HRH1: variants seen among roughly 807,000 people sequenced by gnomAD.
HRH1 encodes the protein histamine H1 receptor.
HRH1 carries 6 observed loss-of-function variants against 10.3 expected under a neutral mutation model. The observed-to-expected ratio is 0.58, with a 90% confidence interval of 0.32 to 1.15. The LOEUF (loss-of-function observed/expected upper bound fraction) is 1.15, where lower values mean the gene tolerates loss of function less well. Among genes scored for constraint, HRH1 ranks in the 50% most tolerant of loss-of-function variants. The pLI is 0.05. For synonymous variants in HRH1, 242 were observed against 236.7 expected, an observed-to-expected ratio of 1.02 and a Z score of -0.21; for missense variants, 514 against 615.3, an observed-to-expected ratio of 0.84 and a Z score of 1.74.
At chr3:11,234,613 G>T (rs574835407) in intron 1 of HRH1, 528 of 1,434,316 alleles carry the variant, frequency 3.7e-4, no homozygotes, top group Non-Finnish European at 4.6e-4. Flanking sequence ...TGCATTGCTT[G>T]GAGTTTCATG....
At chr3:11,238,646 T>C (rs1939252783) in intron 1 of HRH1, among the ~76,000 whole-genome samples, 1 of 152,236 alleles carries the variant, frequency 6.6e-6, no homozygotes, top group African/African-American at 2.4e-5. Context: ...ATCATCAGAA[T>C]CCAAGTTTAG....
intron 1 of HRH1, among the ~76,000 whole-genome samples, chr3:11,157,438 G>A (rs1466297576): frequency 1.3e-5 from 2 of 152,216 alleles, no homozygotes; most frequent in African/African-American, 4.8e-5. Flanking sequence ...GATCATTCAA[G>A]CCCCAGTCAC....
At position 11,242,509 on chromosome 3, in the gene HRH1, A is replaced by AAAAAAAAAAAAAAAAAAAAT. The variant is rs1559283215; in HGVS notation, c.-35-16494_-35-16493insAAAAAAAAAAAAAAAAAAAT. 6.6e-5 allele frequency among the ~76,000 whole-genome samples: 8 copies of AAAAAAAAAAAAAAAAAAAAT among 120,808 alleles called. 1 individual carries two copies. The highest frequency in any genetic ancestry group is 2.3e-4 in the African/African-American group (7 of 30,220). 79.3% of individuals were successfully genotyped at this position (120,808 alleles called of 152,430 possible). A position where few individuals can be genotyped will look rare whatever the true frequency, so the allele number is the denominator to read the frequency against. ...AAAAAAAAAAAAAAAAAAAAAAAAA[A>AAAAAAAAAAAAAAAAAAAAT]GCTGTAACACTCACTGCAAAGGTCT... On this transcript the variant is annotated intron_variant, in intron 1 of 1. Coordinates refer to ENST00000431010, the MANE Select transcript of HRH1 (RefSeq NM_001098212.2).
chr3:11,250,520 A>G (rs1037772202), intron 1 of HRH1, among the ~76,000 whole-genome samples: 4 of 151,756 alleles, frequency 2.6e-5, no homozygotes, highest in East Asian at 3.9e-4. Flanking sequence ...CCTCTTTCCA[A>G]CTTCTGATAA....
chr3:11,258,906 C>G, intron 1 of HRH1, 97 bp from the exon 2 acceptor site: 1 of 830,252 alleles, frequency 1.2e-6, no homozygotes, highest in Non-Finnish European at 1.9e-6. Context: ...TTGATCACCC[C>G]CAACAGCATA....
At chr3:11,172,009 G>T (rs2125013106) in intron 1 of HRH1, among the ~76,000 whole-genome samples, 1 of 152,336 alleles carries the variant, frequency 6.6e-6, no homozygotes, top group East Asian at 1.9e-4. Flanking sequence ...CAAGGACAGG[G>T]CACCTAGACC....
rs749494331 is a variant in HRH1, at chr3:11,259,564, G to T, written c.527G>T (p.Arg176Leu). The T allele has an allele frequency of 6.2e-7, 1 of 1,614,004 alleles. No homozygotes were observed. Among genetic ancestry groups the T allele is most frequent in the South Asian group, 1.1e-5 (1 of 91,072 alleles). ...NHFMQQTSVR[R>L]EDKCETDFYD... is the part of the protein sequence containing the mutation. Reference sequence around the variant, plus strand: ...TTCATGCAGCAGACCTCGGTGCGCCGAGAGGACAAGTGTGAGACAGACTTC... The same window carrying T: ...TTCATGCAGCAGACCTCGGTGCGCCTAGAGGACAAGTGTGAGACAGACTTC... The change falls in exon 2 of 2, where the codon CGA becomes CTA. Residue 176 changes from arginine to leucine, a missense_variant. Physicochemically the swap from Arg to Leu is moderately radical, Grantham distance 102. Coordinates refer to ENST00000431010, the MANE Select transcript of HRH1 (RefSeq NM_001098212.2). This position sits in a 1 kb window ranked among gnomAD's most constrained non-coding sequence, Gnocchi z 4.6.
At chr3:11,179,826 A>G (rs1484581963) in intron 1 of HRH1, among the ~76,000 whole-genome samples, 2 of 148,220 alleles carry the variant, frequency 1.3e-5, no homozygotes, top group African/African-American at 5.0e-5. Context: ...GCTGGAGTGC[A>G]GTGGCAGGAT....
At chr3:11,148,216 T>C (rs578166656) in intron 1 of HRH1, among the ~76,000 whole-genome samples, 5 of 151,640 alleles carry the variant, frequency 3.3e-5, no homozygotes, top group Non-Finnish European at 5.9e-5. Flanking sequence ...AACTCTTCCT[T>C]CTCAATCCTG....
chr3:11,190,918 C>T (rs1049503350), intron 1 of HRH1, among the ~76,000 whole-genome samples: 2 of 152,172 alleles, frequency 1.3e-5, no homozygotes, highest in African/African-American at 4.8e-5. Flanking sequence ...GCTTGCCACA[C>T]ATGCTGCCTC....
At chr3:11,246,850 A>G (rs1047753929) in intron 1 of HRH1, among the ~76,000 whole-genome samples, 2 of 152,056 alleles carry the variant, frequency 1.3e-5, no homozygotes, top group Non-Finnish European at 1.5e-5. Context: ...GTTTGAGACC[A>G]GTCTGGGCAA....
chr3:11,203,775 T>G (rs1255047800), intron 1 of HRH1, among the ~76,000 whole-genome samples: 1 of 152,250 alleles, frequency 6.6e-6, no homozygotes, highest in Non-Finnish European at 1.5e-5. Flanking sequence ...AGTTGGGTAG[T>G]GTCAGTCTGC....
chr3:11,204,903 G>A (rs977965961), intron 1 of HRH1, among the ~76,000 whole-genome samples: 3 of 152,106 alleles, frequency 2.0e-5, no homozygotes, highest in Non-Finnish European at 2.9e-5. Flanking sequence ...TCCCAGATGC[G>A]AGGTTTCCTG....
chr3:11,225,788 C>T (rs926136988), intron 1 of HRH1, among the ~76,000 whole-genome samples: 11 of 152,218 alleles, frequency 7.2e-5, no homozygotes, highest in African/African-American at 2.7e-4. Flanking sequence ...CGGGTTCAGG[C>T]GACTCACATG....
In HRH1 at chr3:11,211,111, G is replaced by A. The variant is rs535657142; in HGVS notation, c.-35-47892G>A. On this transcript the variant is annotated intron_variant, in intron 1 of 1. Transcript: ENST00000431010. ...ATCAATTTGTAATTCAAGTAGTGGTGGATGCTCTGAAGGAAAATAAAGTAG... is the reference window on the plus strand; with the variant it reads ...ATCAATTTGTAATTCAAGTAGTGGTAGATGCTCTGAAGGAAAATAAAGTAG... Among the ~76,000 whole-genome samples the A allele has an allele frequency of 9.2e-5, 14 of 152,352 alleles. No homozygotes were observed. In the South Asian group the frequency reaches 1.7e-3, roughly 18 times the overall value.
intron 1 of HRH1, among the ~76,000 whole-genome samples, chr3:11,179,512 C>CG (rs1336330117): frequency 6.8e-6 from 1 of 147,868 alleles, no homozygotes; most frequent in Non-Finnish European, 1.5e-5. Flanking sequence ...CCCAGCTACT[C>CG]GGGAGGCTGA....
In HRH1 at chr3:11,139,837, GA is replaced by G. The variant is rs546465491; in HGVS notation, c.-36+2440del. 2.2e-3 allele frequency among the ~76,000 whole-genome samples: 342 copies of G among 152,230 alleles called. 5 individuals are homozygous for G. Among genetic ancestry groups the G allele is most frequent in the African/African-American group, 7.8e-3 (324 of 41,538 alleles). On this transcript the variant is annotated intron_variant, in intron 1 of 1. Coordinates refer to the HRH1 transcript ENST00000438284. Reference sequence around the variant, plus strand: ...TCGCCAAGAGATGGGGAAAGGGGGGGAATTAGGAGTTATGGAGTTGTTTTTT... The same window carrying G: ...TCGCCAAGAGATGGGGAAAGGGGGGGATTAGGAGTTATGGAGTTGTTTTTT...
chr3:11,222,111 TGTA>T (rs1218537062), intron 1 of HRH1, among the ~76,000 whole-genome samples: 1 of 152,154 alleles, frequency 6.6e-6, no homozygotes, highest in East Asian at 1.9e-4. Flanking sequence ...CCAGTGATGG[TGTA>T]GTTGTTCAGA....
intron 1 of HRH1, among the ~76,000 whole-genome samples, chr3:11,233,447 A>G (rs1411429948): frequency 6.6e-6 from 1 of 152,010 alleles, no homozygotes. Context: ...GGTAGAAATC[A>G]TGTTTCCTTT....
Sources: gnomAD v4.1 joint callset for allele counts (sites outside exome capture counted in the v4.1 genomes callset) on GRCh38, gnomAD v4.1.1 for gene constraint, Gnocchi (gnomAD v3.1) non-coding constraint, MANE v1.5 for transcripts, NCBI Gene and HGNC (gene_info 2026-07-23, HGNC 2026-07-21) for gene names.